Variants in ACSS3 observed in about 807,000 individuals in gnomAD.
The protein encoded by ACSS3 is acyl-CoA synthetase short chain family member 3, also known as acyl-CoA synthetase short-chain family member 3, mitochondrial.
A neutral mutation model predicts 84.2 loss-of-function variants in ACSS3; 64 were observed. The ratio of observed to expected loss-of-function variants is 0.76; its 90% CI spans 0.62 to 0.94. The LOEUF (loss-of-function observed/expected upper bound fraction) is 0.94. Among genes scored for constraint, ACSS3 ranks in the 40% least tolerant of loss-of-function variants. ACSS3 has a pLI of 0.00. For synonymous variants in ACSS3, 317 were observed against 310.1 expected (o/e 1.02, Z -0.23); for missense variants, 815 against 867.6 (o/e 0.94, Z 0.76).
At chr12:81,183,733 A>G (rs1406692501) in intron 8 of ACSS3, among the ~76,000 whole-genome samples, 1 of 152,110 alleles carries the variant, frequency 6.6e-6, no homozygotes, top group Non-Finnish European at 1.5e-5. Flanking sequence ...AGGGTCATTC[A>G]TTAAGATAAC....
chr12:81,193,542 T>C (rs2135879617), intron 8 of ACSS3, among the ~76,000 whole-genome samples: 1 of 152,130 alleles, frequency 6.6e-6, no homozygotes, highest in Non-Finnish European at 1.5e-5. Context: ...CTCATGCCCA[T>C]TCATTTTCTC....
At chr12:81,102,805 G>A (rs1295674297) in intron 1 of ACSS3, among the ~76,000 whole-genome samples, 1 of 151,730 alleles carries the variant, frequency 6.6e-6, no homozygotes, top group Admixed American at 6.6e-5. Context: ...CTCCAGCCTG[G>A]CAACAGAGCA....
chr12:81,088,272 G>A (rs369180185), intron 1 of ACSS3, among the ~76,000 whole-genome samples: 118 of 152,158 alleles, frequency 7.8e-4, no homozygotes, highest in South Asian at 2.7e-3. Context: ...ATGGAGTGGC[G>A]TGAGTGAGAA....
At chr12:81,179,271 C>CAAAAAAAAAAAAAAAAAAGAAAAAAAA (rs2030733075) in intron 8 of ACSS3, among the ~76,000 whole-genome samples, 1 of 66,778 alleles carries the variant, frequency 1.5e-5, no homozygotes, top group Non-Finnish European at 2.7e-5. Flanking sequence ...AAGTAATTGC[C>CAAAAAAAAAAAAAAAAAAGAAAAAAAA]AAAAAAAAAA....
intron 11 of ACSS3, among the ~76,000 whole-genome samples, chr12:81,227,955 G>C (rs1484855867): frequency 6.6e-6 from 1 of 151,604 alleles, no homozygotes; most frequent in Non-Finnish European, 1.5e-5. Context: ...ATATTTAATA[G>C]CAATCACCTC....
chr12:81,216,561 C>T (rs192463166), intron 9 of ACSS3, among the ~76,000 whole-genome samples: 79 of 152,178 alleles, frequency 5.2e-4, no homozygotes, highest in African/African-American at 1.8e-3. Context: ...ATCATTTTAG[C>T]TTTTAGTGTG....
At chr12:81,175,484 T>C (rs2030404518) in intron 8 of ACSS3, among the ~76,000 whole-genome samples, 1 of 152,040 alleles carries the variant, frequency 6.6e-6, no homozygotes, top group South Asian at 2.1e-4. Context: ...ACAAAGATAT[T>C]TGGGACTCCA....
At chr12:81,125,516 T>A (rs1885028029) in intron 2 of ACSS3, 1 of 152,260 alleles carries the variant, frequency 6.6e-6, no homozygotes, top group Admixed American at 6.5e-5. Flanking sequence ...TGCCCTCATT[T>A]TCCTTTCTTT....
In ACSS3 at chr12:81,223,221, G is replaced by C. The variant is rs540240545; in HGVS notation, c.1514+3145G>C. On this transcript the variant is annotated intron_variant, in intron 11 of 15. Transcript: ENST00000548058. Reference sequence around the variant, plus strand: ...CTGACCAGATCCATTGTTGCTATTGGAAGTGTGGCCTGTTCACCCTGTGCT... The same window carrying C: ...CTGACCAGATCCATTGTTGCTATTGCAAGTGTGGCCTGTTCACCCTGTGCT... Among the ~76,000 whole-genome samples the C allele has an allele frequency of 9.0e-4, 137 of 152,100 alleles. 1 individual carries two copies. The highest frequency in any genetic ancestry group is 3.2e-3 in the African/African-American group (131 of 41,522).
chr12:81,228,002 C>G (rs887923385), intron 11 of ACSS3, among the ~76,000 whole-genome samples: 1 of 151,744 alleles, frequency 6.6e-6, no homozygotes, highest in African/African-American at 2.4e-5. Flanking sequence ...ATATGATGTC[C>G]CTCTATAAGG....
intron 10 of ACSS3, 23 bp downstream of exon 10, chr12:81,217,019 C>A (rs116341468): frequency 6.3e-7 from 1 of 1,577,550 alleles, no homozygotes; most frequent in Non-Finnish European, 8.7e-7. Flanking sequence ...CCTGATAATA[C>A]GTAAAGTTAA....
chr12:81,109,531 T>C, intron 1 of ACSS3, 29 bp from the exon 2 acceptor site: 1 of 1,594,044 alleles, frequency 6.3e-7, no homozygotes, highest in East Asian at 2.2e-5. Context: ...AAAGCCATCA[T>C]TCACCTTTAC....
Position 81,216,881 on chromosome 12 carries a change from A to T in ACSS3, c.1355-20A>T. On this transcript the variant is annotated intron_variant, in intron 9 of 15. Transcript: ENST00000548058. ...TTCCAAGTTAAAACATGAAGTGATA[A>T]ATAACATTTCTTTTTCCAGAGACTG... 1 of 1,588,372 alleles carries T rather than the reference A, an allele frequency of 6.3e-7. No individual in the cohort carries two copies. The highest frequency in any genetic ancestry group is 8.6e-7 in the Non-Finnish European group (1 of 1,158,136).
At chr12:81,123,909 A>G (rs2121549212) in intron 2 of ACSS3, among the ~76,000 whole-genome samples, 1 of 152,294 alleles carries the variant, frequency 6.6e-6, no homozygotes, top group East Asian at 1.9e-4. Context: ...GCTATTGTGA[A>G]TAGTGCTGCA....
At chr12:81,089,139 CA>C (rs1881507994) in intron 1 of ACSS3, among the ~76,000 whole-genome samples, 1 of 151,854 alleles carries the variant, frequency 6.6e-6, no homozygotes, top group Admixed American at 6.6e-5. Flanking sequence ...TTTATAAGAA[CA>C]TGATAAATAG....
chr12:81,080,484 A>G (rs7970558), intron 1 of ACSS3, among the ~76,000 whole-genome samples: 63,884 of 151,790 alleles, frequency 0.42, 15,483 homozygotes, highest in Non-Finnish European at 0.56. Flanking sequence ...TCTTGAACTC[A>G]TGCCCAGAAA....
intron 5 of ACSS3, 100 bp downstream of exon 5, chr12:81,143,347 A>G: frequency 8.0e-7 from 1 of 1,248,840 alleles, no homozygotes; most frequent in Middle Eastern, 2.1e-4. Flanking sequence ...TTTACTTTGA[A>G]GTTTAGAGAG....
At position 81,257,749 on chromosome 12, in the gene ACSS3, C is replaced by T. The variant is rs1425180257; in HGVS notation, c.*2827C>T. 3 of 151,836 alleles carry T rather than the reference C, an allele frequency of 2.0e-5. No individual in the cohort carries two copies. The highest frequency in any genetic ancestry group is 4.8e-5 in the African/African-American group (2 of 41,356). The allele number at this position is 151,836 out of a possible 1,614,324, so 9.4% of individuals were successfully genotyped here. On this transcript the variant is annotated 3_prime_UTR_variant, in exon 16 of 16. Coordinates refer to ENST00000548058, the MANE Select transcript of ACSS3 (RefSeq NM_024560.4). Reference sequence around the variant, plus strand: ...TTATAATGTTGATGATCAAAAGTAACGTGTTGAGACTCTGAGCTTAATCCA... The same window carrying T: ...TTATAATGTTGATGATCAAAAGTAATGTGTTGAGACTCTGAGCTTAATCCA...
intron 2 of ACSS3, among the ~76,000 whole-genome samples, chr12:81,127,750 C>T (rs1193607962): frequency 6.6e-6 from 1 of 152,074 alleles, no homozygotes; most frequent in East Asian, 1.9e-4. Flanking sequence ...TGCCCATGAT[C>T]ACTGCATTTT....
Sources: gnomAD v4.1 joint callset for allele counts (sites outside exome capture counted in the v4.1 genomes callset) on GRCh38, gnomAD v4.1.1 for gene constraint, MANE v1.5 for transcripts, NCBI Gene and HGNC (gene_info 2026-07-23, HGNC 2026-07-21) for gene names.